The following ZBBX variants were observed in gnomAD, a reference collection of about 807,000 sequenced individuals.
The protein encoded by ZBBX is zinc finger B-box domain containing, also known as zinc finger B-box domain-containing protein 1.
In ZBBX, 101 loss-of-function variants were observed where a neutral mutation model predicts 108.5. The observed-to-expected ratio is 0.93, with a 90% CI of 0.79 to 1.10. The LOEUF (loss-of-function observed/expected upper bound fraction) is 1.10. Ranked by LOEUF, ZBBX falls within the 50% of genes least tolerant of loss-of-function variation. The pLI is 0.00. For missense variants in ZBBX, 1,009 were observed against 941.4 expected (o/e 1.07, Z -0.94); for synonymous variants, 356 against 323.4 (o/e 1.10, Z -1.08).
rs137927770 is a variant in ZBBX at position 167,371,154 on chromosome 3, C to T, written c.68+1680G>A. ...TTTAATGGTTTGTGGATCAGGGAGACGTACAGGCCAGGGAATAGTGATTCC... is the reference window on the plus strand; with the variant it reads ...TTTAATGGTTTGTGGATCAGGGAGATGTACAGGCCAGGGAATAGTGATTCC... On this transcript the variant is annotated intron_variant, in intron 4 of 21. Transcript: ENST00000675490. Among the ~76,000 whole-genome samples, 715 of 152,236 alleles carry T rather than the reference C, an allele frequency of 4.7e-3. 5 individuals are homozygous for T. Among genetic ancestry groups the T allele is most frequent in the Middle Eastern group, 0.02 (6 of 294 alleles).
intron 18 of ZBBX, among the ~76,000 whole-genome samples, chr3:167,297,189 TTA>T: frequency 6.6e-6 from 1 of 152,034 alleles, no homozygotes; most frequent in African/African-American, 2.4e-5. Context: ...AACATATGTA[TTA>T]TCTCACCAAT....
At chr3:167,250,532 C>CAT (rs1553780872) in intron 20 of ZBBX, among the ~76,000 whole-genome samples, 11 of 145,514 alleles carry the variant, frequency 7.6e-5, no homozygotes, top group African/African-American at 2.8e-4. Flanking sequence ...CCTTATAAAA[C>CAT]TTTTTTTTTT....
At chr3:167,200,094 T>C in the ZBBX span, among the ~76,000 whole-genome samples, 3 of 152,118 alleles carry the variant, frequency 2.0e-5, no homozygotes, top group African/African-American at 7.2e-5. Flanking sequence ...ATGTCTCTTC[T>C]TCTTGGGACA....
intron 8 of ZBBX, among the ~76,000 whole-genome samples, chr3:167,351,347 T>C (rs1387385431): frequency 6.6e-6 from 1 of 152,142 alleles, no homozygotes; most frequent in African/African-American, 2.4e-5. Context: ...TAAATGCAGC[T>C]TGGGTGTGCC....
intron 20 of ZBBX, among the ~76,000 whole-genome samples, chr3:167,272,105 A>C (rs922724023): frequency 6.6e-6 from 1 of 152,230 alleles, no homozygotes; most frequent in Non-Finnish European, 1.5e-5. Context: ...AATTAGTTCT[A>C]GAGACTCAGT....
chr3:167,374,559 T>C (rs1746650125), intron 2 of ZBBX, among the ~76,000 whole-genome samples: 1 of 152,192 alleles, frequency 6.6e-6, no homozygotes, highest in Admixed American at 6.5e-5. Flanking sequence ...TATATATGTG[T>C]TCCTATGTGT....
At chr3:167,243,748 C>CTTTTT (rs148483655) in intron 20 of ZBBX, among the ~76,000 whole-genome samples, 170 of 70,850 alleles carry the variant, frequency 2.4e-3, no homozygotes, top group Non-Finnish European at 2.9e-3. Context: ...GTGGACTTGA[C>CTTTTT]TTTTTTTTTT....
upstream of ZBBX, among the ~76,000 whole-genome samples, chr3:167,384,310 G>T (rs1747838484): frequency 6.6e-6 from 1 of 152,078 alleles, no homozygotes; most frequent in Admixed American, 6.5e-5. Flanking sequence ...AAAGGATTTT[G>T]TAAACTCTCA....
At position 167,255,788 on chromosome 3, in the gene ZBBX, C is replaced by T. The variant is rs187273429; in HGVS notation, c.2255-13145G>A. ...TTGGAACACATCTCCCCAGGCATTACGCTTTTGTGTTTCAAACAATCCAAT... is the reference window on the plus strand; with the variant it reads ...TTGGAACACATCTCCCCAGGCATTATGCTTTTGTGTTTCAAACAATCCAAT... On this transcript the variant is annotated intron_variant, in intron 20 of 21. Transcript: ENST00000675490. Among the ~76,000 whole-genome samples, 708 of 152,078 alleles carry T rather than the reference C, an allele frequency of 4.7e-3. 6 individuals carry two copies. Among genetic ancestry groups the T allele is most frequent in the Non-Finnish European group, 5.7e-3 (389 of 67,924 alleles).
In ZBBX at chr3:167,394,485, G is replaced by A. The variant is rs182396687; in HGVS notation, c.-446+13241C>T. 5.3e-3 allele frequency among the ~76,000 whole-genome samples: 803 copies of A among 151,966 alleles called. 6 individuals are homozygous for A. Among genetic ancestry groups the A allele is most frequent in the African/African-American group, 0.018 (745 of 41,510 alleles). ...ATTTTCCCCCAAAATAAGCAGATTA[G>A]AGAGGTTAAGTAGAAAATAACAATT... On this transcript the variant is annotated intron_variant, in intron 1 of 21. Coordinates refer to the ZBBX transcript ENST00000455345.
chr3:167,185,298 T>C, the ZBBX span, among the ~76,000 whole-genome samples: 6 of 152,164 alleles, frequency 3.9e-5, no homozygotes, highest in Non-Finnish European at 7.4e-5. Context: ...ATTCCAGTTA[T>C]ATAACATCCT....
intron 17 of ZBBX, among the ~76,000 whole-genome samples, chr3:167,300,534 C>T (rs1732460025): frequency 6.6e-6 from 1 of 151,712 alleles, no homozygotes; most frequent in Admixed American, 6.6e-5. Context: ...TTATACTGAG[C>T]AATGGATAGT....
intron 20 of ZBBX, among the ~76,000 whole-genome samples, chr3:167,251,116 G>C (rs1303727341): frequency 2.0e-5 from 3 of 152,200 alleles, no homozygotes; most frequent in Admixed American, 6.5e-5. Flanking sequence ...AGTTTGGCCA[G>C]AGCAGTTGGA....
At chr3:167,206,816 C>T in the ZBBX span, among the ~76,000 whole-genome samples, 2 of 152,030 alleles carry the variant, frequency 1.3e-5, no homozygotes, top group African/African-American at 2.4e-5. Flanking sequence ...GAATAGAGAG[C>T]TCATAAATGA....
At chr3:167,265,071 C>A (rs1725236154) in intron 20 of ZBBX, among the ~76,000 whole-genome samples, 1 of 152,348 alleles carries the variant, frequency 6.6e-6, no homozygotes, top group Non-Finnish European at 1.5e-5. Flanking sequence ...TGCTCTATTC[C>A]ACTGTGGCCA....
chr3:167,381,103 A>C (rs557078953), upstream of ZBBX, among the ~76,000 whole-genome samples: 4 of 152,234 alleles, frequency 2.6e-5, no homozygotes, highest in East Asian at 3.9e-4. Flanking sequence ...AACAATCCTA[A>C]CTATTACAGT....
At chr3:167,356,624 A>G (rs1164117366) in intron 8 of ZBBX, among the ~76,000 whole-genome samples, 1 of 152,144 alleles carries the variant, frequency 6.6e-6, no homozygotes, top group Non-Finnish European at 1.5e-5. Context: ...AATATGTGTA[A>G]ATTAAGAGAA....
upstream of ZBBX, among the ~76,000 whole-genome samples, chr3:167,380,866 G>GCACACACACACA (rs59349359): frequency 1.5e-3 from 207 of 141,438 alleles, 1 homozygote; most frequent in Middle Eastern, 7.2e-3. Context: ...GCAAATATAT[G>GCACACACACACA]CACACACACA....
At chr3:167,194,513 G>A in the ZBBX span, among the ~76,000 whole-genome samples, 1 of 152,098 alleles carries the variant, frequency 6.6e-6, no homozygotes, top group Non-Finnish European at 1.5e-5. Flanking sequence ...TTTGATCTTG[G>A]ACTCCTGTGC....
Sources: allele counts gnomAD v4.1 joint callset (sites outside exome capture counted in the v4.1 genomes callset), GRCh38; gene constraint gnomAD v4.1.1; transcripts MANE v1.5; gene names NCBI Gene and HGNC (gene_info 2026-07-23, HGNC 2026-07-21).